Variants in HHIPL1 observed in about 807,000 individuals in gnomAD.
HHIPL1 encodes the protein HHIP-like protein 1.
A neutral mutation model predicts 61.8 loss-of-function variants in HHIPL1; 43 were observed. The ratio of observed to expected loss-of-function variants is 0.70; its 90% confidence interval spans 0.55 to 0.90. The LOEUF (loss-of-function observed/expected upper bound fraction) is 0.90. HHIPL1 is among the 40% of genes least tolerant of loss of function. The probability of loss-of-function intolerance (pLI) is 0.00; values close to 1 mark genes in which losing one functional copy is unlikely to be tolerated. For missense variants in HHIPL1, 1,056 were observed against 1,157.7 expected (o/e 0.91, Z 1.28); for synonymous variants, 482 against 515.8 (o/e 0.93, Z 0.89).
intron 7 of HHIPL1, among the ~76,000 whole-genome samples, chr14:99,671,406 G>A (rs1331745876): frequency 6.6e-6 from 1 of 152,218 alleles, no homozygotes; most frequent in Admixed American, 6.5e-5. Context: ...GCAGCTTTGA[G>A]AAGCGTATGT....
In HHIPL1 at chr14:99,668,269, C is replaced by T. The variant is rs1326062837; in HGVS notation, c.1696C>T (p.Arg566Cys). 8.7e-6 allele frequency: 14 copies of T among 1,612,540 alleles called. No individual in the cohort carries two copies. The highest frequency in any genetic ancestry group is 5.0e-5 in the Admixed American group (3 of 59,998). ...STGEPSATAP[R>C]GVVYKIIDAS... ...AGGGGAGCCGAGTGCCACAGCTCCA[C>T]GCGGAGTTGTCTACAAAATAATTGA... Residue 566 changes from arginine to cysteine, a missense_variant, in exon 7 of 9, where the codon CGC (arginine) becomes TGC (cysteine). Arg to Cys is a radical substitution (Grantham distance 180, BLOSUM62 -3). Transcript: ENST00000330710. This position sits in a 1 kb window ranked among gnomAD's most constrained non-coding sequence, Gnocchi z 4.7.
chr14:99,666,797 T>G (rs979618444), intron 6 of HHIPL1, among the ~76,000 whole-genome samples: 41 of 152,170 alleles, frequency 2.7e-4, no homozygotes, highest in African/African-American at 9.2e-4. Context: ...TGCCTACAGC[T>G]CCTCCCCCGA....
rs1392063180 is a variant in HHIPL1 at position 99,679,952 on chromosome 14, C to T, written c.*4326C>T. 1 of 152,326 alleles carries T rather than the reference C, an allele frequency of 6.6e-6. No individual in the cohort carries two copies. Among genetic ancestry groups the T allele is most frequent in the Non-Finnish European group, 1.5e-5 (1 of 68,088 alleles). The allele number at this position is 152,326 out of a possible 1,614,324, so 9.4% of individuals were successfully genotyped here. ...TTCTGTCCCCTCGCCCCTCCTCCCC[C>T]ACTGAGAACTAGCTTTTACTGAGCA... On this transcript the variant is annotated 3_prime_UTR_variant, in exon 9 of 9. Coordinates refer to ENST00000330710, the MANE Select transcript of HHIPL1 (RefSeq NM_001127258.3).
At chr14:99,670,320 T>C (rs1354514632) in intron 7 of HHIPL1, among the ~76,000 whole-genome samples, 3 of 152,278 alleles carry the variant, frequency 2.0e-5, no homozygotes, top group East Asian at 3.9e-4. Flanking sequence ...CCATGTTGGC[T>C]AGGCTGGTCT....
At chr14:99,650,447 G>C (rs1175986487) in intron 1 of HHIPL1, among the ~76,000 whole-genome samples, 1 of 152,242 alleles carries the variant, frequency 6.6e-6, no homozygotes, top group Non-Finnish European at 1.5e-5. Context: ...CCACGCCACA[G>C]GCCGGCGGCT....
rs1225624000 is a variant in HHIPL1, at chr14:99,675,667, G to C, written c.*41G>C. 6.8e-7 allele frequency: 1 copy of C among 1,469,040 alleles called. No homozygotes were observed. Among genetic ancestry groups the C allele is most frequent in the East Asian group, 2.5e-5 (1 of 39,640 alleles). The allele number at this position is 1,469,040 out of a possible 1,614,324, so 91.0% of individuals were successfully genotyped here. On this transcript the variant is annotated 3_prime_UTR_variant, in exon 9 of 9. Transcript: ENST00000330710. The surrounding 1 kb of genome is among the most constrained non-coding windows in gnomAD (Gnocchi z 5.4). ...CCCAGGCCATCCCGCCGGCGGGGGA[G>C]CCTGGCAGGGGCCGCTCCGCCCTGT...
the HHIPL1 span, among the ~76,000 whole-genome samples, chr14:99,623,599 A>AGAC: frequency 6.6e-6 from 1 of 152,122 alleles, no homozygotes; most frequent in Non-Finnish European, 1.5e-5. Flanking sequence ...TTTCTTAAAG[A>AGAC]GACAGGATCT....
In HHIPL1 at chr14:99,668,712, C is replaced by T. The variant is rs2056287927; in HGVS notation, c.1730+409C>T. ...TGCCTCTGTGATGCCTCCCAGATGA[C>T]ACCCTGATCCCTGTGTGTCCCCGCC... On this transcript the variant is annotated intron_variant, in intron 7 of 8. Coordinates refer to ENST00000330710, the MANE Select transcript of HHIPL1 (RefSeq NM_001127258.3). This position sits in a 1 kb window ranked among gnomAD's most constrained non-coding sequence, Gnocchi z 4.7. 2 of 799,248 alleles carry T rather than the reference C, an allele frequency of 2.5e-6. No individual in the cohort carries two copies. Among genetic ancestry groups the T allele is most frequent in the Admixed American group, 2.4e-5 (1 of 42,470 alleles). 49.5% of individuals were successfully genotyped at this position (799,248 alleles called of 1,614,324 possible).
At chr14:99,644,012 C>A (rs931677131), upstream of HHIPL1, among the ~76,000 whole-genome samples, 2 of 152,292 alleles carry the variant, frequency 1.3e-5, no homozygotes, top group East Asian at 1.9e-4. Context: ...GGCTTCAAGT[C>A]CCTGCGTTAA....
rs1326828949 is a variant in HHIPL1 at position 99,680,077 on chromosome 14, G to A, written c.*4451G>A. 1 of 152,120 alleles carries A rather than the reference G, an allele frequency of 6.6e-6. No individual in the cohort carries two copies. The highest frequency in any genetic ancestry group is 6.5e-5 in the Admixed American group (1 of 15,272). The allele number at this position is 152,120 out of a possible 1,614,324, so 9.4% of individuals were successfully genotyped here. A position where few individuals can be genotyped will look rare whatever the true frequency, so the allele number is the denominator to read the frequency against. On this transcript the variant is annotated 3_prime_UTR_variant, in exon 9 of 9. Transcript: ENST00000330710. ...ATCACTGTCCCTGTTTTCCAGATGA[G>A]GGGACAGATTCCTAGGGTGTTATGT...
chr14:99,670,719 G>C (rs1055781928), intron 7 of HHIPL1, among the ~76,000 whole-genome samples: 7 of 152,110 alleles, frequency 4.6e-5, no homozygotes, highest in Admixed American at 4.6e-4. Flanking sequence ...TGGATCACAC[G>C]CAGACTTGGT....
At chr14:99,652,130 A>G in intron 1 of HHIPL1, 94 bp from the exon 2 acceptor site, 1 of 1,172,250 alleles carries the variant, frequency 8.5e-7, no homozygotes, top group Non-Finnish European at 1.2e-6. Context: ...GGATCAGCAG[A>G]CTGAGGCTCT....
chr14:99,644,437 A>T (rs1303534248), upstream of HHIPL1, among the ~76,000 whole-genome samples: 1 of 123,446 alleles, frequency 8.1e-6, no homozygotes, highest in Non-Finnish European at 1.6e-5. Flanking sequence ...GGTAGGTAAG[A>T]CAGCGTGTGT....
chr14:99,606,235 G>T, the HHIPL1 span, among the ~76,000 whole-genome samples: 15 of 152,194 alleles, frequency 9.9e-5, no homozygotes, highest in Non-Finnish European at 4.4e-5. Context: ...ACCAGCTCCT[G>T]AGGGGAGGGG....
the HHIPL1 span, among the ~76,000 whole-genome samples, chr14:99,631,318 A>G: frequency 6.6e-6 from 1 of 151,498 alleles, no homozygotes; most frequent in Non-Finnish European, 1.5e-5. Context: ...TAATCTGCCC[A>G]CCTCAGCCTC....
At chr14:99,625,928 T>C in the HHIPL1 span, among the ~76,000 whole-genome samples, 2 of 152,140 alleles carry the variant, frequency 1.3e-5, no homozygotes, top group Admixed American at 1.3e-4. Flanking sequence ...AGTTGTTCTG[T>C]TTCCCCATCT....
chr14:99,674,318 G>A (rs1336850782), intron 8 of HHIPL1, among the ~76,000 whole-genome samples: 2 of 150,986 alleles, frequency 1.3e-5, no homozygotes, highest in Non-Finnish European at 3.0e-5. Flanking sequence ...GTAGATTGAG[G>A]TCTATCCCTG....
At position 99,660,264 on chromosome 14, in the gene HHIPL1, C is replaced by G. The variant is rs920957524; in HGVS notation, c.1376-16C>G. Reference sequence around the variant, plus strand: ...GCCGCTGGCTCACCGAAGCTTCTCTCCCTCCCACCCCGCAGATGACTTGCT... The same window carrying G: ...GCCGCTGGCTCACCGAAGCTTCTCTGCCTCCCACCCCGCAGATGACTTGCT... On this transcript the variant is annotated splice_polypyrimidine_tract_variant and intron_variant, in intron 4 of 8. Transcript: ENST00000330710. The surrounding 1 kb of genome is among the most constrained non-coding windows in gnomAD (Gnocchi z 4.9). 1.9e-6 allele frequency: 3 copies of G among 1,613,774 alleles called. No individual in the cohort carries two copies. Among genetic ancestry groups the G allele is most frequent in the Non-Finnish European group, 2.5e-6 (3 of 1,179,940 alleles).
the HHIPL1 span, among the ~76,000 whole-genome samples, chr14:99,634,602 G>A: frequency 6.6e-6 from 1 of 152,236 alleles, no homozygotes; most frequent in Admixed American, 6.5e-5. Flanking sequence ...CAGAGCATGG[G>A]AAGTGTTAGA....
Sources: allele counts gnomAD v4.1 joint callset (sites outside exome capture counted in the v4.1 genomes callset), GRCh38; gene constraint gnomAD v4.1.1; non-coding constraint Gnocchi (gnomAD v3.1); transcripts MANE v1.5; gene names NCBI Gene and HGNC (gene_info 2026-07-23, HGNC 2026-07-21).